The following ASXL2 variants were observed in gnomAD, a reference collection of about 807,000 sequenced individuals.
The protein encoded by ASXL2 is ASXL transcriptional regulator 2.
Under a neutral mutation model 122.0 loss-of-function variants are expected in ASXL2, and 23 were observed. The ratio of observed to expected loss-of-function variants is 0.19; its 90% CI spans 0.14 to 0.27. The LOEUF is 0.27. Among genes scored for constraint, ASXL2 ranks in the 10% least tolerant of loss-of-function variants. The pLI, the probability that ASXL2 is intolerant of heterozygous loss-of-function variation, is 1.00. For synonymous variants in ASXL2, 650 were observed against 637.0 expected, an observed-to-expected ratio of 1.02 and a Z score of -0.31; for missense variants, 1,518 against 1,713.8, an observed-to-expected ratio of 0.89 and a Z score of 2.02.
At chr2:25,870,941 G>C (rs2089958007) in intron 1 of ASXL2, among the ~76,000 whole-genome samples, 1 of 151,872 alleles carries the variant, frequency 6.6e-6, no homozygotes, top group South Asian at 2.1e-4. Context: ...GACTCATCTA[G>C]GATTAACTCT....
chr2:25,741,647 A>C lies in ASXL2; in HGVS notation c.*382T>G. On this transcript the variant is annotated 3_prime_UTR_variant, in exon 13 of 13. Transcript: ENST00000435504. ...AGCTTCCTAGGAAATGTCAGAAGGG[A>C]GACAGCTTCCTTTTACCATGCCGGC... 3.9e-6 allele frequency: 1 copy of C among 253,414 alleles called. No homozygotes were observed. Among genetic ancestry groups the C allele is most frequent in the South Asian group, 1.2e-4 (1 of 8,152 alleles). The allele number at this position is 253,414 out of a possible 1,614,324, so 15.7% of individuals were successfully genotyped here.
intron 12 of ASXL2, among the ~76,000 whole-genome samples, chr2:25,746,037 T>C: frequency 6.6e-6 from 1 of 152,166 alleles, no homozygotes; most frequent in East Asian, 1.9e-4. Context: ...TTAGAGTTAC[T>C]AATAATTCAA....
chr2:25,833,724 G>A (rs1406540823), intron 3 of ASXL2, among the ~76,000 whole-genome samples: 1 of 152,014 alleles, frequency 6.6e-6, no homozygotes, highest in Non-Finnish European at 1.5e-5. Flanking sequence ...TTTTGCTTTG[G>A]GGAACTATGC....
chr2:25,809,801 G>C (rs994091164), intron 3 of ASXL2: 10 of 427,470 alleles, frequency 2.3e-5, no homozygotes, highest in African/African-American at 1.8e-4. Flanking sequence ...AAAGACACAG[G>C]GGAGGTGGGG....
intron 3 of ASXL2, among the ~76,000 whole-genome samples, chr2:25,821,628 A>G (rs1276339719): frequency 1.3e-5 from 2 of 152,154 alleles, no homozygotes; most frequent in Non-Finnish European, 2.9e-5. Context: ...CTGTTCCCAT[A>G]TTTTCTATGA....
At chr2:25,806,995 A>G (rs1047157796) in intron 3 of ASXL2, among the ~76,000 whole-genome samples, 1 of 152,102 alleles carries the variant, frequency 6.6e-6, no homozygotes, top group Non-Finnish European at 1.5e-5. Context: ...AAATAGTGCT[A>G]TAATACTTGA....
chr2:25,814,823 A>G (rs932347446), intron 3 of ASXL2, among the ~76,000 whole-genome samples: 1 of 152,228 alleles, frequency 6.6e-6, no homozygotes, highest in African/African-American at 2.4e-5. Flanking sequence ...GAAAGGAGTC[A>G]TCACTGCATG....
chr2:25,859,534 T>C (rs1041086677), intron 1 of ASXL2, among the ~76,000 whole-genome samples: 6 of 152,158 alleles, frequency 3.9e-5, no homozygotes, highest in Non-Finnish European at 8.8e-5. Context: ...CCGAAAGAAA[T>C]ACCTCAAAAT....
chr2:25,813,384 C>T (rs1424510665), intron 3 of ASXL2, among the ~76,000 whole-genome samples: 1 of 152,116 alleles, frequency 6.6e-6, no homozygotes, highest in African/African-American at 2.4e-5. Context: ...TATGACACTG[C>T]CATGGAGATT....
At chr2:25,836,096 C>T (rs2149188868) in intron 2 of ASXL2, among the ~76,000 whole-genome samples, 1 of 152,220 alleles carries the variant, frequency 6.6e-6, no homozygotes, top group African/African-American at 2.4e-5. Context: ...AAGCAGATTG[C>T]AACTAACAGA....
intron 9 of ASXL2, among the ~76,000 whole-genome samples, chr2:25,756,453 C>CAAAAAAAAAA (rs554502367): frequency 4.3e-5 from 1 of 23,330 alleles, no homozygotes; most frequent in African/African-American, 1.9e-4. Flanking sequence ...CAGATAATGA[C>CAAAAAAAAAA]AAAAAAAAAA....
At chr2:25,826,463 AT>A (rs1397568961) in intron 3 of ASXL2, among the ~76,000 whole-genome samples, 2 of 152,182 alleles carry the variant, frequency 1.3e-5, no homozygotes, top group Non-Finnish European at 2.9e-5. Context: ...AATATTTGTT[AT>A]CCCCATTTCA....
chr2:25,858,281 T>C (rs2089803810), intron 1 of ASXL2, among the ~76,000 whole-genome samples: 1 of 152,138 alleles, frequency 6.6e-6, no homozygotes, highest in Non-Finnish European at 1.5e-5. Context: ...TCCCTTATCC[T>C]ATATAGCGAA....
At chr2:25,818,118 G>C (rs1232740762) in intron 3 of ASXL2, among the ~76,000 whole-genome samples, 2 of 152,132 alleles carry the variant, frequency 1.3e-5, no homozygotes, top group East Asian at 3.8e-4. Flanking sequence ...AATTTCAAAG[G>C]CTTTGCAAAC....
At chr2:25,745,080 G>A (rs1412321059) in intron 12 of ASXL2, among the ~76,000 whole-genome samples, 2 of 151,792 alleles carry the variant, frequency 1.3e-5, no homozygotes, top group Non-Finnish European at 2.9e-5. Flanking sequence ...TACACATAAA[G>A]GAGTATGTAC....
In ASXL2 at chr2:25,743,200, T is replaced by A. The variant is rs2149136637; in HGVS notation, c.3137A>T (p.Asp1046Val). ...GTATTGGTGTGTGTCAATGCTGGAG[T>A]CCCTCAGCTCCTTAGCTGAAAAGAG... ...LQLFSAKELR[D>V]SSIDTHQYHE... Residue 1046 changes from aspartate to valine, a missense_variant, in exon 13 of 13, where the codon GAC (aspartate) becomes GTC (valine). Asp to Val is a radical substitution (Grantham distance 152). Transcript: ENST00000435504. The A allele has an allele frequency of 1.9e-6, 3 of 1,613,918 alleles. No individual in the cohort carries two copies. Among genetic ancestry groups the A allele is most frequent in the Non-Finnish European group, 2.5e-6 (3 of 1,179,840 alleles).
intron 2 of ASXL2, among the ~76,000 whole-genome samples, chr2:25,842,802 ATATATATAT>A (rs2089602483): frequency 6.6e-6 from 1 of 150,776 alleles, no homozygotes; most frequent in African/African-American, 2.4e-5. Flanking sequence ...GTATATATAT[ATATATATAT>A]GTTTTTTTTG....
In ASXL2 at chr2:25,818,671, G is replaced by A. The variant is rs2089270418; in HGVS notation, c.144-12334C>T. Among the ~76,000 whole-genome samples the A allele has an allele frequency of 2.0e-5, 3 of 152,116 alleles. No individual in the cohort carries two copies. The South Asian group carries it at 6.2e-4, about 32-fold the overall frequency. ...AATAAATGAACAAATCAACGAGTGG[G>A]GGAGAATTCCTCACAGTAAAATTCC... On this transcript the variant is annotated intron_variant, in intron 3 of 12. Transcript: ENST00000435504.
At chr2:25,842,774 G>A (rs1224213246) in intron 2 of ASXL2, among the ~76,000 whole-genome samples, 3 of 5,776 alleles carry the variant, frequency 5.2e-4, no homozygotes, top group Admixed American at 2.5e-3. Flanking sequence ...GTGCACGTGT[G>A]TGTGTGTGTG....
Sources: gnomAD v4.1 joint callset for allele counts (sites outside exome capture counted in the v4.1 genomes callset) on GRCh38, gnomAD v4.1.1 for gene constraint, MANE v1.5 for transcripts, NCBI Gene and HGNC (gene_info 2026-07-23, HGNC 2026-07-21) for gene names.